TENM3: variants seen among roughly 807,000 people sequenced by gnomAD.
TENM3 encodes teneurin transmembrane protein 3.
A neutral mutation model predicts 255.1 loss-of-function variants in TENM3; 63 were observed. The observed-to-expected ratio is 0.25, with a 90% CI of 0.20 to 0.30. TENM3 has a LOEUF of 0.30. TENM3 is among the 10% of genes least tolerant of loss of function. TENM3 has a pLI of 1.00. For missense variants in TENM3, 2,929 were observed against 3,461.1 expected, an observed-to-expected ratio of 0.85 and a Z score of 3.86; for synonymous variants, 1,306 against 1,322.3, an observed-to-expected ratio of 0.99 and a Z score of 0.27.
the TENM3 span, among the ~76,000 whole-genome samples, chr4:182,029,048 A>G: frequency 6.6e-6 from 1 of 152,158 alleles, no homozygotes; most frequent in African/African-American, 2.4e-5. Context: ...TTTATAAGAA[A>G]AGCACTTTAA....
At chr4:181,886,599 C>A in the TENM3 span, among the ~76,000 whole-genome samples, 1 of 152,054 alleles carries the variant, frequency 6.6e-6, no homozygotes, top group Non-Finnish European at 1.5e-5. Context: ...ATATATGATA[C>A]AAATCAAGTG....
intron 3 of TENM3, among the ~76,000 whole-genome samples, chr4:182,405,415 G>C (rs1769497755): frequency 6.6e-6 from 1 of 152,206 alleles, no homozygotes; most frequent in African/African-American, 2.4e-5. Context: ...CATTGAGCGG[G>C]AATAGATTGG....
chr4:182,232,407 A>C (rs1756637879), intron 1 of TENM3, among the ~76,000 whole-genome samples: 2 of 152,186 alleles, frequency 1.3e-5, no homozygotes, highest in Admixed American at 1.3e-4. Context: ...TACACCTAAC[A>C]AACTGGTGAT....
At chr4:182,441,170 C>T (rs1244667292) in intron 3 of TENM3, among the ~76,000 whole-genome samples, 2 of 151,772 alleles carry the variant, frequency 1.3e-5, no homozygotes, top group Non-Finnish European at 2.9e-5. Context: ...AGTTTATGTT[C>T]GGTTTTATAA....
chr4:182,591,539 A>C (rs1481659220), intron 3 of TENM3, among the ~76,000 whole-genome samples: 1 of 152,270 alleles, frequency 6.6e-6, no homozygotes, highest in African/African-American at 2.4e-5. Context: ...ATATTGCATC[A>C]TAACAATGTT....
chr4:182,748,412 A>G (rs563121185), intron 19 of TENM3, among the ~76,000 whole-genome samples: 3 of 152,262 alleles, frequency 2.0e-5, no homozygotes, highest in Non-Finnish European at 1.5e-5. Flanking sequence ...ACGTTTTCAC[A>G]GTAGATAGAT....
At chr4:182,400,452 A>G (rs1187716233) in intron 3 of TENM3, among the ~76,000 whole-genome samples, 1 of 152,204 alleles carries the variant, frequency 6.6e-6, no homozygotes, top group African/African-American at 2.4e-5. Context: ...CTGTTTGTAT[A>G]TCAATAAAAC....
At chr4:181,892,060 A>G in the TENM3 span, among the ~76,000 whole-genome samples, 5 of 152,180 alleles carry the variant, frequency 3.3e-5, no homozygotes, top group Non-Finnish European at 7.3e-5. Flanking sequence ...AAACCTGCCA[A>G]TGCCTTGATC....
At chr4:182,470,370 G>A (rs1301242919) in intron 3 of TENM3, among the ~76,000 whole-genome samples, 4 of 152,084 alleles carry the variant, frequency 2.6e-5, no homozygotes, top group East Asian at 1.9e-4. Flanking sequence ...ATTTAACCCC[G>A]TTTAACATAT....
the TENM3 span, among the ~76,000 whole-genome samples, chr4:181,815,097 A>C: frequency 1.3e-5 from 2 of 152,140 alleles, no homozygotes; most frequent in Non-Finnish European, 2.9e-5. Flanking sequence ...CAAGAGATGC[A>C]AAAGAGATTG....
the TENM3 span, among the ~76,000 whole-genome samples, chr4:181,924,806 G>T: frequency 6.6e-6 from 1 of 152,170 alleles, no homozygotes; most frequent in African/African-American, 2.4e-5. Flanking sequence ...TAGAGAGCTG[G>T]TCTGTTGGGG....
At chr4:182,620,975 A>T (rs1002431231) in intron 4 of TENM3, among the ~76,000 whole-genome samples, 2 of 152,062 alleles carry the variant, frequency 1.3e-5, no homozygotes, top group Non-Finnish European at 2.9e-5. Flanking sequence ...AGGTCAGGAG[A>T]TCGAGACCAT....
rs551234206 is a variant in TENM3 at position 182,473,542 on chromosome 4, G to A, written c.511+126613G>A. Among the ~76,000 whole-genome samples the A allele has an allele frequency of 7.6e-4, 115 of 152,172 alleles. 1 individual carries two copies. The highest frequency in any genetic ancestry group is 2.6e-3 in the African/African-American group (109 of 41,534). On this transcript the variant is annotated intron_variant, in intron 3 of 27. Coordinates refer to ENST00000511685, the MANE Select transcript of TENM3 (RefSeq NM_001080477.4). ...CAAAAAATTAGCCAGGCGTGGTGGC[G>A]GGTGCCTGTAGTCCCAGCTACTCGG...
the TENM3 span, among the ~76,000 whole-genome samples, chr4:181,626,192 C>T: frequency 5.9e-5 from 9 of 152,148 alleles, no homozygotes; most frequent in Middle Eastern, 3.4e-3. Flanking sequence ...AAGAAGGCTG[C>T]GGTGGCAGAG....
At chr4:182,385,353 C>G (rs535803627) in intron 3 of TENM3, among the ~76,000 whole-genome samples, 7 of 148,768 alleles carry the variant, frequency 4.7e-5, no homozygotes, top group Non-Finnish European at 1.0e-4. Context: ...CAACCTCTGC[C>G]TCCCAGATTC....
At chr4:182,113,428 G>T in the TENM3 span, among the ~76,000 whole-genome samples, 1 of 152,080 alleles carries the variant, frequency 6.6e-6, no homozygotes, top group South Asian at 2.1e-4. Flanking sequence ...ATTGTGTTTG[G>T]GGAGTAGGAA....
In TENM3 at chr4:182,754,584, C is replaced by G. The variant is rs1196485306; in HGVS notation, c.4217C>G (p.Thr1406Ser). The change falls in exon 22 of 28, where the codon ACT (threonine) becomes AGT (serine). Residue 1406 changes from threonine (T) to serine (S), a missense_variant. By Grantham distance (58) the Thr-to-Ser change is moderately conservative (BLOSUM62 1). This residue lies in a region of TENM3 where 1,608 missense variants were observed against 1,884.4 expected (regional missense o/e 0.85). Coordinates refer to ENST00000511685, the MANE Select transcript of TENM3 (RefSeq NM_001080477.4). This position sits in a 1 kb window ranked among gnomAD's most constrained non-coding sequence, Gnocchi z 5.1. ...HAVQTTLESA[T>S]AIAVSYSGVL... ...GTGCAGACAACACTGGAATCAGCCA[C>G]TGCCATTGCTGTGTCCTACAGTGGG... is the stretch of plus-strand genomic sequence containing the variant. 1 of 1,614,026 alleles carries G rather than the reference C, an allele frequency of 6.2e-7. No individual in the cohort carries two copies. Among genetic ancestry groups the G allele is most frequent in the South Asian group, 1.1e-5 (1 of 91,068 alleles).
At chr4:181,550,946 A>G in the TENM3 span, among the ~76,000 whole-genome samples, 46,581 of 103,482 alleles carry the variant, frequency 0.45, 7,620 homozygotes, top group Middle Eastern at 0.57. Context: ...CCTGTAAGTC[A>G]GTGGGCTCAT....
the TENM3 span, among the ~76,000 whole-genome samples, chr4:181,553,262 T>A: frequency 5.9e-5 from 3 of 50,816 alleles, no homozygotes; most frequent in African/African-American, 1.9e-4. Context: ...AGTCATTAAG[T>A]GTGTGTGTGT....
Sources: gnomAD v4.1 joint callset for allele counts (sites outside exome capture counted in the v4.1 genomes callset) on GRCh38, gnomAD v4.1.1 for gene constraint, gnomAD v4.1.1 regional missense constraint, Gnocchi (gnomAD v3.1) non-coding constraint, MANE v1.5 for transcripts, NCBI Gene and HGNC (gene_info 2026-07-23, HGNC 2026-07-21) for gene names.